The following ABCC9 variants were observed in gnomAD, a reference collection of about 807,000 sequenced individuals.
ABCC9 encodes ATP binding cassette subfamily C member 9.
Under a neutral mutation model 188.3 loss-of-function variants are expected in ABCC9, and 95 were observed. The observed-to-expected ratio is 0.50, with a 90% CI of 0.43 to 0.60. The LOEUF (loss-of-function observed/expected upper bound fraction) is 0.60. Ranked by LOEUF, ABCC9 falls within the 20% of genes least tolerant of loss-of-function variation. The probability of loss-of-function intolerance (pLI) is 0.00; values close to 1 mark genes in which losing one functional copy is unlikely to be tolerated. For synonymous variants in ABCC9, 659 were observed against 652.7 expected (o/e 1.01, Z -0.15); for missense variants, 1,102 against 1,876.3 (o/e 0.59, Z 7.62).
intron 6 of ABCC9, among the ~76,000 whole-genome samples, chr12:21,916,471 G>A (rs770953623): frequency 6.6e-6 from 1 of 152,132 alleles, no homozygotes; most frequent in Non-Finnish European, 1.5e-5. Context: ...TACAAACCAG[G>A]TGTGTGTCTT....
In ABCC9 at chr12:21,856,200, A is replaced by C. The variant is rs569107178; in HGVS notation, c.2505+3386T>G. The stretch of plus-strand genomic sequence containing the variant: ...ATAACCTTTTCTACAACTTACTAAA[A>C]ATTGAGGCTTAATGGCTTGAGAAAC... On this transcript the variant is annotated intron_variant, in intron 22 of 39. Transcript: ENST00000261200. Among the ~76,000 whole-genome samples, 6 of 152,262 alleles carry C rather than the reference A, an allele frequency of 3.9e-5. No homozygotes were observed. The East Asian group carries it at 1.2e-3, about 29-fold the overall frequency.
In ABCC9 at chr12:21,841,358, T is replaced by C. The variant is rs1232853577; in HGVS notation, c.3473+956A>G. Among the ~76,000 whole-genome samples, 10 of 130,576 alleles carry C rather than the reference T, an allele frequency of 7.7e-5. 1 individual carries two copies. The highest frequency in any genetic ancestry group is 8.9e-5 in the African/African-American group (3 of 33,810). The allele number at this position is 130,576 out of a possible 152,430, so 85.7% of individuals were successfully genotyped here. A position where few individuals can be genotyped will look rare whatever the true frequency, so the allele number is the denominator to read the frequency against. ...ATGTTTCTGGTTTCCTTTTTTTTTTTTTTTTTTTTTTTTTTTTTGAGACAG... is the reference window on the plus strand; with the variant it reads ...ATGTTTCTGGTTTCCTTTTTTTTTTCTTTTTTTTTTTTTTTTTTGAGACAG... On this transcript the variant is annotated intron_variant, in intron 29 of 39. Transcript: ENST00000261200.
chr12:21,940,619 T>A (rs1237386487), intron 2 of ABCC9, 91 bp downstream of exon 2: 1 of 152,126 alleles, frequency 6.6e-6, no homozygotes, highest in African/African-American at 2.4e-5. Context: ...CCAAAAGAAA[T>A]GTTGAAATTA....
At chr12:21,903,025 C>G (rs2137811610) in intron 12 of ABCC9, among the ~76,000 whole-genome samples, 1 of 152,278 alleles carries the variant, frequency 6.6e-6, no homozygotes, top group South Asian at 2.1e-4. Flanking sequence ...CTGATGAACA[C>G]AGATGCAAAA....
chr12:21,891,451 T>C (rs1221409258), intron 14 of ABCC9, among the ~76,000 whole-genome samples: 1 of 152,048 alleles, frequency 6.6e-6, no homozygotes, highest in Non-Finnish European at 1.5e-5. Context: ...AATCAAATGG[T>C]GTTGGGTGCT....
rs888542524 is a variant in ABCC9 at position 21,860,770 on chromosome 12, C to G, written c.2424+201G>C. ...AGTGACTAGTACCATGTTAAGTATA[C>G]AGTGATTACTCAATAAATATTAATA... On this transcript the variant is annotated intron_variant, in intron 21 of 39. Transcript: ENST00000261200. 3.9e-5 allele frequency among the ~76,000 whole-genome samples: 6 copies of G among 152,250 alleles called. No individual in the cohort carries two copies. In the South Asian group the frequency reaches 6.2e-4, roughly 16 times the overall value.
intron 30 of ABCC9, among the ~76,000 whole-genome samples, chr12:21,837,460 G>A (rs889847815): frequency 7.9e-5 from 12 of 152,092 alleles, no homozygotes; most frequent in South Asian, 2.1e-4. Flanking sequence ...CAATTTTCTA[G>A]ATTAAATGAA....
rs558377259 is a variant in ABCC9, at chr12:21,829,348, C to T, written c.3567-288G>A. ...TCCTGAGTAGCTGGGACTACAGGCA[C>T]CCGCCACCATGCCCGGCTAATTTTT... On this transcript the variant is annotated intron_variant, in intron 30 of 39. Transcript: ENST00000261200. Among the ~76,000 whole-genome samples the T allele has an allele frequency of 1.5e-4, 23 of 151,764 alleles. 1 individual carries two copies. The highest frequency in any genetic ancestry group is 1.1e-3 in the Admixed American group (16 of 15,234).
In ABCC9 at chr12:21,835,854, C is replaced by A. The variant is rs76174477; in HGVS notation, c.3566+2224G>T. Among the ~76,000 whole-genome samples the A allele has an allele frequency of 9.5e-3, 1,442 of 152,194 alleles. 19 individuals carry two copies. Among genetic ancestry groups the A allele is most frequent in the African/African-American group, 0.033 (1,355 of 41,534 alleles). On this transcript the variant is annotated intron_variant, in intron 30 of 39. Coordinates refer to ENST00000261200, the MANE Select transcript of ABCC9 (RefSeq NM_020297.4). The stretch of plus-strand genomic sequence containing the variant: ...GTATACCAAAATGATCAAAAACAGT[C>A]CAGCTGGATATCTCATTACTACCTG...
intron 13 of ABCC9, 83 bp from the exon 14 acceptor site, chr12:21,894,257 T>C: frequency 6.9e-7 from 1 of 1,456,322 alleles, no homozygotes; most frequent in South Asian, 1.1e-5. Flanking sequence ...CCTAACATAT[T>C]CTGCTATGCC....
intron 12 of ABCC9, among the ~76,000 whole-genome samples, chr12:21,903,111 A>T (rs1242419969): frequency 6.6e-6 from 1 of 152,218 alleles, no homozygotes; most frequent in African/African-American, 2.4e-5. Context: ...AGTGGGCTTC[A>T]TCCCTGGGAT....
In ABCC9 at chr12:21,842,298, A is replaced by T. The variant is rs1944430975; in HGVS notation, c.3473+16T>A. 6.2e-7 allele frequency: 1 copy of T among 1,612,064 alleles called. No homozygotes were observed. Among genetic ancestry groups the T allele is most frequent in the South Asian group, 1.1e-5 (1 of 90,866 alleles). Reference sequence around the variant, plus strand: ...AGATAAGCTTTTGAAAATGAGTGGGATGCTGTTTTACTTACTTAGAGGCAA... The same window carrying T: ...AGATAAGCTTTTGAAAATGAGTGGGTTGCTGTTTTACTTACTTAGAGGCAA... On this transcript the variant is annotated intron_variant, in intron 29 of 39. Transcript: ENST00000261200.
chr12:21,857,408 A>T (rs993986352), intron 22 of ABCC9, among the ~76,000 whole-genome samples: 3 of 152,186 alleles, frequency 2.0e-5, no homozygotes, highest in Non-Finnish European at 4.4e-5. Flanking sequence ...CAGGCTGATG[A>T]ACAGATAGTA....
At chr12:21,862,759 A>G (rs1279880943) in intron 20 of ABCC9, among the ~76,000 whole-genome samples, 194 bp downstream of exon 20, 1 of 152,160 alleles carries the variant, frequency 6.6e-6, no homozygotes, top group Non-Finnish European at 1.5e-5. Context: ...TAAGGGTCCA[A>G]GATGGGCTGG....
In ABCC9 at chr12:21,877,929, A is replaced by G. The variant is rs534893797; in HGVS notation, c.2020-2203T>C. The stretch of plus-strand genomic sequence containing the variant: ...GCCTGGTTATAGATGTGTAGAAGGC[A>G]TAAGGTTGGATTGCTGCAGAAAGGT... On this transcript the variant is annotated intron_variant, in intron 16 of 39. Transcript: ENST00000261200. 1.5e-3 allele frequency among the ~76,000 whole-genome samples: 224 copies of G among 152,268 alleles called. 1 individual carries two copies. Among genetic ancestry groups the G allele is most frequent in the Admixed American group, 4.1e-3 (63 of 15,298 alleles).
At chr12:21,846,145 C>T (rs1253208728) in intron 25 of ABCC9, among the ~76,000 whole-genome samples, 1 of 152,180 alleles carries the variant, frequency 6.6e-6, no homozygotes, top group African/African-American at 2.4e-5. Flanking sequence ...ACAAAAACCA[C>T]ATACCTGGCT....
intron 15 of ABCC9, among the ~76,000 whole-genome samples, chr12:21,885,303 T>G (rs1017290096): frequency 4.6e-5 from 7 of 152,224 alleles, no homozygotes; most frequent in Non-Finnish European, 8.8e-5. Flanking sequence ...TCAGCAGTGA[T>G]GAATGACCCT....
chr12:21,867,237 T>C (rs1292970974), intron 18 of ABCC9, among the ~76,000 whole-genome samples: 4 of 152,150 alleles, frequency 2.6e-5, no homozygotes, highest in Non-Finnish European at 5.9e-5. Flanking sequence ...CACATATCAA[T>C]ATGTTTAATC....
At chr12:21,827,196 C>T in intron 31 of ABCC9, 1 of 985,420 alleles carries the variant, frequency 1.0e-6, no homozygotes, top group Non-Finnish European at 1.2e-6. Flanking sequence ...TCCTGACCTT[C>T]CCTTTCTTGG....
Sources: gnomAD v4.1 joint callset for allele counts (sites outside exome capture counted in the v4.1 genomes callset) on GRCh38, gnomAD v4.1.1 for gene constraint, MANE v1.5 for transcripts, NCBI Gene and HGNC (gene_info 2026-07-23, HGNC 2026-07-21) for gene names.